The following PUDP variants were observed in gnomAD, a reference collection of about 807,000 sequenced individuals.
The protein encoded by PUDP is pseudouridine-5'-phosphatase.
PUDP carries 8 observed loss-of-function variants against 9.4 expected under a neutral mutation model. The observed-to-expected ratio is 0.85, with a 90% CI of 0.50 to 1.53. The LOEUF (loss-of-function observed/expected upper bound fraction) is 1.53, where lower values mean the gene tolerates loss of function less well. PUDP is among the 40% of genes most tolerant of loss of function. The probability of loss-of-function intolerance (pLI) is 0.00; values close to 1 mark genes in which losing one functional copy is unlikely to be tolerated. For synonymous variants in PUDP, 99 were observed against 80.7 expected, an observed-to-expected ratio of 1.23 and a Z score of -1.22; for missense variants, 188 against 189.7, an observed-to-expected ratio of 0.99 and a Z score of 0.05.
chrX:7,064,856 T>C (rs1930503802), intron 3 of PUDP, among the ~76,000 whole-genome samples: 1 of 111,716 alleles, frequency 9.0e-6, no homozygotes, highest in African/African-American at 3.3e-5. Flanking sequence ...CCATTCAAAG[T>C]TTAAGGCTCG....
intron 1 of PUDP, among the ~76,000 whole-genome samples, chrX:7,108,974 G>C (rs938401420): frequency 1.8e-5 from 2 of 112,485 alleles, no homozygotes; most frequent in Admixed American, 1.9e-4. Context: ...AGCCCTTTAG[G>C]AGAGTACAAA....
upstream of PUDP, among the ~76,000 whole-genome samples, chrX:6,722,014 G>A (rs767711576): frequency 1.8e-5 from 2 of 111,036 alleles, no homozygotes; most frequent in Non-Finnish European, 3.8e-5. Context: ...TGACAATATG[G>A]CAGAAATTTG....
intron 3 of PUDP, among the ~76,000 whole-genome samples, chrX:6,897,829 C>A (rs1022995828): frequency 2.7e-5 from 3 of 111,292 alleles, no homozygotes; most frequent in African/African-American, 6.5e-5. Flanking sequence ...AACGGCTCCA[C>A]TTCCTGATAC....
chrX:6,877,725 G>A (rs1356521790), intron 3 of PUDP, among the ~76,000 whole-genome samples: 7 of 111,844 alleles, frequency 6.3e-5, no homozygotes, highest in African/African-American at 1.9e-4. Flanking sequence ...AGCTTGTTAC[G>A]AGTAATTACT....
At chrX:7,059,062 C>A (rs747040525) in intron 3 of PUDP, among the ~76,000 whole-genome samples, 1 of 111,714 alleles carries the variant, frequency 9.0e-6, no homozygotes, top group Non-Finnish European at 1.9e-5. Flanking sequence ...GAGTTACAAG[C>A]TAGGTAAATG....
At chrX:7,065,468 C>CCCT (rs770506497) in intron 3 of PUDP, among the ~76,000 whole-genome samples, 189 of 112,340 alleles carry the variant, frequency 1.7e-3, no homozygotes, top group African/African-American at 5.7e-3. Flanking sequence ...GTTTATGTCC[C>CCCT]CCTCTCCACT....
chrX:6,740,372 G>A (rs1467861960), intron 3 of PUDP, among the ~76,000 whole-genome samples: 1 of 111,439 alleles, frequency 9.0e-6, no homozygotes, highest in Admixed American at 9.6e-5. Flanking sequence ...ACACATGGTT[G>A]GACCTTTAAC....
intron 3 of PUDP, among the ~76,000 whole-genome samples, chrX:6,941,685 A>AT (rs66738182): frequency 4.6e-5 from 5 of 108,648 alleles, no homozygotes; most frequent in Admixed American, 9.9e-5. Context: ...AAAACTTGGG[A>AT]TTTTTTTTTC....
At chrX:7,091,959 C>T (rs1222297668) in intron 2 of PUDP, among the ~76,000 whole-genome samples, 2 of 112,545 alleles carry the variant, frequency 1.8e-5, no homozygotes, top group East Asian at 2.8e-4. Context: ...TAGCTCTCTA[C>T]GTGATTAAAC....
chrX:6,979,059 ATTATT>A (rs56240573), intron 1 of PUDP, among the ~76,000 whole-genome samples: 27,244 of 110,942 alleles, frequency 0.25, 3,296 homozygotes, highest in Non-Finnish European at 0.36. Flanking sequence ...CTCGATTAAA[ATTATT>A]TTAATTAATA....
chrX:6,989,107 A>C (rs185774262), intron 1 of PUDP, among the ~76,000 whole-genome samples: 36 of 111,863 alleles, frequency 3.2e-4, no homozygotes, highest in Admixed American at 2.8e-3. Context: ...TAAGATACAT[A>C]TACATGCATA....
chrX:6,833,366 T>C (rs1239641455), intron 3 of PUDP, among the ~76,000 whole-genome samples: 2 of 110,010 alleles, frequency 1.8e-5, no homozygotes, highest in African/African-American at 6.6e-5. Context: ...GGTAAATAGA[T>C]GTTTGAGTGA....
At chrX:6,900,327 G>GGT (rs1555915668) in intron 3 of PUDP, among the ~76,000 whole-genome samples, 3 of 24,328 alleles carry the variant, frequency 1.2e-4, no homozygotes, top group Non-Finnish European at 2.7e-4. Flanking sequence ...GTCACCACTT[G>GGT]GGGGGGGGGG....
chrX:6,978,163 A>T (rs192000206), intron 2 of PUDP, among the ~76,000 whole-genome samples: 247 of 112,337 alleles, frequency 2.2e-3, no homozygotes, highest in Non-Finnish European at 3.7e-3. Flanking sequence ...ACAGAACCTT[A>T]CCATAAACTC....
At chrX:7,062,079 T>A (rs1930419312) in intron 3 of PUDP, among the ~76,000 whole-genome samples, 1 of 112,342 alleles carries the variant, frequency 8.9e-6, no homozygotes, top group Non-Finnish European at 1.9e-5. Context: ...CAGAAATGCA[T>A]ATTTATATTA....
chrX:6,932,205 G>A (rs1185984152), intron 3 of PUDP, among the ~76,000 whole-genome samples: 1 of 111,216 alleles, frequency 9.0e-6, no homozygotes, highest in African/African-American at 3.3e-5. Context: ...TTCCTGGCAG[G>A]CAGATGACTT....
chrX:7,137,867 T>C (rs1437544631), intron 1 of PUDP, among the ~76,000 whole-genome samples: 1 of 112,167 alleles, frequency 8.9e-6, no homozygotes, highest in Non-Finnish European at 1.9e-5. Flanking sequence ...ACAGGCATTA[T>C]AGCCAGTACT....
At chrX:7,092,435 A>G (rs1931447833) in intron 2 of PUDP, among the ~76,000 whole-genome samples, 1 of 112,321 alleles carries the variant, frequency 8.9e-6, no homozygotes, top group African/African-American at 3.2e-5. Context: ...AAAATATCAT[A>G]GTTTCCTATT....
chrX:6,808,078 T>A (rs1274701619), intron 3 of PUDP, among the ~76,000 whole-genome samples: 1 of 111,479 alleles, frequency 9.0e-6, no homozygotes, highest in African/African-American at 3.3e-5. Context: ...GAAAATGATT[T>A]TAGAGTTAGG....
Sources: allele counts gnomAD v4.1 joint callset (sites outside exome capture counted in the v4.1 genomes callset), GRCh38; gene constraint gnomAD v4.1.1; transcripts MANE v1.5; gene names NCBI Gene and HGNC (gene_info 2026-07-23, HGNC 2026-07-21).